CDC42SE2: variants seen among roughly 807,000 people sequenced by gnomAD.
CDC42SE2 encodes the protein CDC42 small effector 2.
Under a neutral mutation model 11.5 loss-of-function variants are expected in CDC42SE2, and 3 were observed. The ratio of observed to expected loss-of-function variants is 0.26; its 90% CI spans 0.12 to 0.67. The LOEUF (loss-of-function observed/expected upper bound fraction) is 0.67. Ranked by LOEUF, CDC42SE2 falls within the 30% of genes least tolerant of loss-of-function variation. The pLI is 0.80. For synonymous variants in CDC42SE2, 33 were observed against 34.8 expected (o/e 0.95, Z 0.18); for missense variants, 82 against 106.8 (o/e 0.77, Z 1.02).
chr5:131,266,783 T>C (rs1268904181), intron 1 of CDC42SE2, among the ~76,000 whole-genome samples: 1 of 152,102 alleles, frequency 6.6e-6, no homozygotes, highest in Non-Finnish European at 1.5e-5. Context: ...CTTCAAATTT[T>C]AGTGATAGAG....
chr5:131,239,725 G>T, the CDC42SE2 span, among the ~76,000 whole-genome samples: 1 of 152,226 alleles, frequency 6.6e-6, no homozygotes, highest in East Asian at 1.9e-4. Flanking sequence ...TAATGCCTCA[G>T]CTTGGACTTC....
At position 131,342,388 on chromosome 5, in the gene CDC42SE2, C is replaced by CTTTTTT. The variant is rs35818778; in HGVS notation, c.-285-16807_-285-16802dup. On this transcript the variant is annotated intron_variant, in intron 2 of 4. Coordinates refer to ENST00000505065, the MANE Select transcript of CDC42SE2 (RefSeq NM_001375635.1). ...TCAGAGATTTGCCATTTTTAATAGT[C>CTTTTTT]TTTTTTTTTTTTTTTTTTTAAGATA... Among the ~76,000 whole-genome samples, 323 of 111,296 alleles carry CTTTTTT rather than the reference C, an allele frequency of 2.9e-3. 29 individuals are homozygous for CTTTTTT. The highest frequency in any genetic ancestry group is 0.012 in the African/African-American group (265 of 22,560). 73.0% of individuals were successfully genotyped at this position (111,296 alleles called of 152,430 possible). A position where few individuals can be genotyped will look rare whatever the true frequency, so the allele number is the denominator to read the frequency against.
At chr5:131,358,896 CTT>C (rs1264767266) in intron 2 of CDC42SE2, among the ~76,000 whole-genome samples, 3 of 152,096 alleles carry the variant, frequency 2.0e-5, no homozygotes, top group Non-Finnish European at 4.4e-5. Context: ...GAATTAGAAA[CTT>C]GTATGTGGCA....
intron 1 of CDC42SE2, among the ~76,000 whole-genome samples, chr5:131,264,466 C>A (rs1437675566): frequency 1.3e-5 from 2 of 151,560 alleles, no homozygotes; most frequent in Non-Finnish European, 2.9e-5. Flanking sequence ...GCCAACTGAC[C>A]GCCTGATGTA....
At chr5:131,221,784 A>G in the CDC42SE2 span, among the ~76,000 whole-genome samples, 1 of 152,060 alleles carries the variant, frequency 6.6e-6, no homozygotes, top group African/African-American at 2.4e-5. Flanking sequence ...ACAAAATTGA[A>G]TTCTTCTTTC....
chr5:131,302,431 G>A (rs753300063), intron 1 of CDC42SE2, among the ~76,000 whole-genome samples: 8 of 152,066 alleles, frequency 5.3e-5, no homozygotes, highest in Non-Finnish European at 8.8e-5. Context: ...CGCCTGCCTC[G>A]GCCTCCCAAA....
intron 2 of CDC42SE2, among the ~76,000 whole-genome samples, chr5:131,325,864 T>C (rs1167198662): frequency 6.6e-6 from 1 of 152,190 alleles, no homozygotes; most frequent in East Asian, 1.9e-4. Context: ...TCTATTGTAT[T>C]TGTAGATTCC....
intron 4 of CDC42SE2, among the ~76,000 whole-genome samples, chr5:131,390,207 T>G (rs1750607330): frequency 6.6e-6 from 1 of 152,210 alleles, no homozygotes; most frequent in Admixed American, 6.5e-5. Context: ...TTGGATTCTT[T>G]GATTCTTTTT....
chr5:131,345,810 ACT>A (rs1289050151), intron 2 of CDC42SE2, among the ~76,000 whole-genome samples: 1 of 152,308 alleles, frequency 6.6e-6, no homozygotes, highest in East Asian at 1.9e-4. Flanking sequence ...CTTGGCAGAA[ACT>A]CTATAAGCCA....
the CDC42SE2 span, among the ~76,000 whole-genome samples, chr5:131,216,131 C>T: frequency 1.3e-5 from 2 of 152,128 alleles, no homozygotes; most frequent in East Asian, 3.9e-4. Context: ...TTTCCTGACT[C>T]CTGATTGGTT....
chr5:131,259,864 G>C (rs1440292149), upstream of CDC42SE2, among the ~76,000 whole-genome samples: 2 of 152,252 alleles, frequency 1.3e-5, no homozygotes, highest in Non-Finnish European at 2.9e-5. Flanking sequence ...TTGTTGCCTG[G>C]AATTGTGTCT....
intron 2 of CDC42SE2, among the ~76,000 whole-genome samples, chr5:131,334,447 C>T (rs1003955365): frequency 4.6e-5 from 7 of 152,010 alleles, no homozygotes; most frequent in South Asian, 4.1e-4. Flanking sequence ...TGTCTCTGCC[C>T]GGCTTTGGTA....
At chr5:131,220,440 C>T in the CDC42SE2 span, among the ~76,000 whole-genome samples, 306 of 152,188 alleles carry the variant, frequency 2.0e-3, 1 homozygote, top group African/African-American at 7.0e-3. Flanking sequence ...CTCCTGACCT[C>T]GTGATCCGCC....
At chr5:131,341,653 A>G (rs1561591173) in intron 2 of CDC42SE2, among the ~76,000 whole-genome samples, 1 of 152,356 alleles carries the variant, frequency 6.6e-6, no homozygotes, top group Middle Eastern at 3.4e-3. Flanking sequence ...TTGAATCAGT[A>G]CATCTATTAA....
At chr5:131,371,804 C>T (rs1257688894) in intron 3 of CDC42SE2, among the ~76,000 whole-genome samples, 1 of 152,178 alleles carries the variant, frequency 6.6e-6, no homozygotes, top group Non-Finnish European at 1.5e-5. Context: ...AATTGTGAGA[C>T]TATGCAGATA....
intron 1 of CDC42SE2, among the ~76,000 whole-genome samples, chr5:131,287,455 A>AT (rs1233395275): frequency 6.7e-5 from 10 of 148,338 alleles, no homozygotes; most frequent in Non-Finnish European, 1.5e-4. Flanking sequence ...TGTTTGTAGA[A>AT]TTTTTTTTCT....
At chr5:131,278,982 A>T (rs1421944923) in intron 1 of CDC42SE2, among the ~76,000 whole-genome samples, 2 of 151,020 alleles carry the variant, frequency 1.3e-5, no homozygotes, top group African/African-American at 2.4e-5. Flanking sequence ...ACAGGGTTTC[A>T]TCATGTTGGC....
At chr5:131,322,911 A>G (rs868460593) in intron 2 of CDC42SE2, among the ~76,000 whole-genome samples, 3 of 152,226 alleles carry the variant, frequency 2.0e-5, no homozygotes, top group South Asian at 4.1e-4. Context: ...CCAACAGTGC[A>G]CAAAGATTTC....
intron 2 of CDC42SE2, among the ~76,000 whole-genome samples, chr5:131,341,819 C>G (rs1229194801): frequency 6.6e-6 from 1 of 151,494 alleles, no homozygotes; most frequent in Middle Eastern, 3.2e-3. Context: ...CGTTTGAACC[C>G]AGGAGGTGGA....
Sources: allele counts gnomAD v4.1 joint callset (sites outside exome capture counted in the v4.1 genomes callset), GRCh38; gene constraint gnomAD v4.1.1; transcripts MANE v1.5; gene names NCBI Gene and HGNC (gene_info 2026-07-23, HGNC 2026-07-21).